Variants in SRCAP observed in about 807,000 individuals in gnomAD.
SRCAP encodes chromatin remodeling protein SRCAP.
A neutral mutation model predicts 263.1 loss-of-function variants in SRCAP; 46 were observed. The observed-to-expected ratio is 0.17, with a 90% CI of 0.14 to 0.22. The LOEUF is 0.22. Ranked by LOEUF, SRCAP falls within the 10% of genes least tolerant of loss-of-function variation. SRCAP has a pLI of 1.00. For synonymous variants in SRCAP, 1,813 were observed against 1,662.1 expected, an observed-to-expected ratio of 1.09 and a Z score of -2.21; for missense variants, 3,695 against 4,181.9, an observed-to-expected ratio of 0.88 and a Z score of 3.21.
Position 30,737,046 on chromosome 16 carries a change from T to C in SRCAP, c.7009-3T>C. ...TGACCACTTTTGGACCCTGTTGTTGTAGGAGCAAGTGGAAGCTGCCCGCAA... is the reference window on the plus strand; with the variant it reads ...TGACCACTTTTGGACCCTGTTGTTGCAGGAGCAAGTGGAAGCTGCCCGCAA... On this transcript the variant is annotated splice_polypyrimidine_tract_variant and splice_region_variant and intron_variant, in intron 33 of 33. Coordinates refer to ENST00000262518, the MANE Select transcript of SRCAP (RefSeq NM_006662.3). The C allele has an allele frequency of 6.3e-7, 1 of 1,577,188 alleles. No individual in the cohort carries two copies. Among genetic ancestry groups the C allele is most frequent in the South Asian group, 1.2e-5 (1 of 84,486 alleles).
chr16:30,699,379 G>A (rs1180987684), intron 1 of SRCAP, 137 bp downstream of exon 1: 2 of 393,656 alleles, frequency 5.1e-6, no homozygotes, highest in Non-Finnish European at 8.9e-6. Context: ...TCCGGCGCGT[G>A]GTTCTTGGCA....
At position 30,725,029 on chromosome 16, in the gene SRCAP, GGCCCCCGGCCTCGACGCCA is replaced by G; in HGVS notation, c.5612_5630del (p.Arg1871ProfsTer90). ...TCCCTCCACTGCTACCTCGTTTGGT[GGCCCCCGGCCTCGACGCCA>G]GCCCCCCCCACCACCTCGTTCCCCT... On this transcript the variant is annotated frameshift_variant, in exon 25 of 34. Coordinates refer to ENST00000262518, the MANE Select transcript of SRCAP (RefSeq NM_006662.3). LOFTEE classifies it high-confidence loss of function. 1 of 1,613,624 alleles carries G rather than the reference GGCCCCCGGCCTCGACGCCA, an allele frequency of 6.2e-7. No individual in the cohort carries two copies. The highest frequency in any genetic ancestry group is 8.5e-7 in the Non-Finnish European group (1 of 1,179,712).
chr16:30,710,033 C>A lies in SRCAP; in HGVS notation c.1039C>A (p.Pro347Thr). 6.2e-7 allele frequency: 1 copy of A among 1,614,110 alleles called. No individual in the cohort carries two copies. The highest frequency in any genetic ancestry group is 8.5e-7 in the Non-Finnish European group (1 of 1,180,020). ...CCTTCCCCCTCAGCTGTTGGAAGGG[C>A]CTTCCAGCCCCTCTCAAACCCCCTC... ...RSLPPQLLEG[P>T]SSPSQTPSSH... The change falls in exon 8 of 34, where the codon CCT becomes ACT. Residue 347 changes from proline to threonine, a missense_variant. Transcript: ENST00000262518.
intron 25 of SRCAP, 24 bp from the exon 26 acceptor site, chr16:30,728,942 T>C: frequency 6.3e-7 from 1 of 1,598,642 alleles, no homozygotes. Context: ...TGCTGATTAC[T>C]TCCTCTTTTT....
intron 25 of SRCAP, among the ~76,000 whole-genome samples, chr16:30,728,529 C>G (rs946254060): frequency 6.6e-5 from 10 of 152,198 alleles, no homozygotes; most frequent in Non-Finnish European, 1.3e-4. Flanking sequence ...TTGGCAAAAA[C>G]CTGGTCTGGA....
At chr16:30,726,602 C>T (rs936739446) in intron 25 of SRCAP, among the ~76,000 whole-genome samples, 1 of 151,918 alleles carries the variant, frequency 6.6e-6, no homozygotes, top group African/African-American at 2.4e-5. Flanking sequence ...CTCACTGCAA[C>T]CTCTGTCTCC....
In SRCAP at chr16:30,720,902, G is replaced by A. The variant is rs1357555229; in HGVS notation, c.3177G>A (p.Pro1059=). 8 of 1,614,040 alleles carry A rather than the reference G, an allele frequency of 5.0e-6. No homozygotes were observed. Among genetic ancestry groups the A allele is most frequent in the Middle Eastern group, 3.3e-4 (2 of 6,062 alleles). The change falls in exon 20 of 34, where the codon CCG becomes CCA. Residue 1059 remains proline, a synonymous_variant. Coordinates refer to ENST00000262518, the MANE Select transcript of SRCAP (RefSeq NM_006662.3). ...LMVSASPAGP[P]LIPASRPPGP... Reference sequence around the variant, plus strand: ...TTTCAGCCTCACCTGCCGGGCCCCCGCTTATTCCTGCATCTCGGCCTCCTG... The same window carrying A: ...TTTCAGCCTCACCTGCCGGGCCCCCACTTATTCCTGCATCTCGGCCTCCTG...
chr16:30,734,699 G>A, intron 31 of SRCAP, 84 bp downstream of exon 31: 4 of 1,581,922 alleles, frequency 2.5e-6, no homozygotes, highest in Non-Finnish European at 3.4e-6. Flanking sequence ...AGCTTGTCCA[G>A]GGGAAAGAGA....
chr16:30,731,999 G>A (rs1168414118), intron 27 of SRCAP, among the ~76,000 whole-genome samples: 1 of 151,704 alleles, frequency 6.6e-6, no homozygotes, highest in Non-Finnish European at 1.5e-5. Context: ...ACAAAAATTA[G>A]CCAGGCGTGG....
At position 30,721,401 on chromosome 16, in the gene SRCAP, A is replaced by G; in HGVS notation, c.3466A>G (p.Thr1156Ala). The G allele has an allele frequency of 6.2e-7, 1 of 1,613,810 alleles. No individual in the cohort carries two copies. The highest frequency in any genetic ancestry group is 8.5e-7 in the Non-Finnish European group (1 of 1,180,032). Residue 1156 changes from threonine to alanine, a missense_variant, in exon 21 of 34, where the codon ACC (threonine) becomes GCC (alanine). This residue lies in a region of SRCAP where 1,347 missense variants were observed against 1,304.4 expected (regional missense o/e 1.03). Coordinates refer to ENST00000262518, the MANE Select transcript of SRCAP (RefSeq NM_006662.3). ...TTCTACCACCACGGCAACTGCTACC[A>G]CCACAGCAGTGCCAGCTCCGACTCC... ...TTSTTTATAT[T>A]TAVPAPTPAP...
chr16:30,709,372 T>C lies in SRCAP; in HGVS notation c.634-141T>C, dbSNP rs575532307. On this transcript the variant is annotated intron_variant, in intron 6 of 33. Coordinates refer to ENST00000262518, the MANE Select transcript of SRCAP (RefSeq NM_006662.3). ...CCTTTGTGCTTCCTTTAGACCATAG[T>C]GAGCCCCTAAGGTTATTTAGTTTTA... is the stretch of plus-strand genomic sequence containing the variant. 3.1e-3 allele frequency: 2,432 copies of C among 786,026 alleles called. 8 individuals carry two copies. Among genetic ancestry groups the C allele is most frequent in the Non-Finnish European group, 4.0e-3 (1,920 of 481,862 alleles). 48.7% of individuals were successfully genotyped at this position (786,026 alleles called of 1,614,324 possible).
intron 25 of SRCAP, among the ~76,000 whole-genome samples, chr16:30,726,499 G>C (rs2151295326): frequency 6.6e-6 from 1 of 151,152 alleles, no homozygotes; most frequent in African/African-American, 2.4e-5. Flanking sequence ...GAGGATTCCA[G>C]TTTCTCCACA....
intron 25 of SRCAP, among the ~76,000 whole-genome samples, chr16:30,727,662 C>T (rs1322675639): frequency 6.6e-6 from 1 of 152,198 alleles, no homozygotes; most frequent in Non-Finnish European, 1.5e-5. Context: ...AAGCGATTCT[C>T]CTGCTCAGCC....
At position 30,720,822 on chromosome 16, in the gene SRCAP, T is replaced by C. The variant is rs202000509; in HGVS notation, c.3097T>C (p.Ser1033Pro). 3.5e-4 allele frequency: 572 copies of C among 1,614,106 alleles called. 6 individuals are homozygous for C. The Admixed American group carries it at 8.6e-3, about 24-fold the overall frequency. Residue 1033 changes from serine to proline, a missense_variant, in exon 20 of 34, where the codon TCA (serine) becomes CCA (proline). Ser to Pro is a moderately conservative substitution (Grantham distance 74). Around this residue, in one of 12 missense-constraint regions of SRCAP, gnomAD observed 1,347 missense variants for 1,304.4 expected, o/e 1.03. Coordinates refer to ENST00000262518, the MANE Select transcript of SRCAP (RefSeq NM_006662.3). ...TCGACCTCCTCCAGGTCCTGAGCTC[T>C]CAGCCCAGCCCACCCCTGGCCCAGT... is the stretch of plus-strand genomic sequence containing the variant. ...PVRPPPGPEL[S>P]AQPTPGPVPQ...
intron 18 of SRCAP, 102 bp downstream of exon 18, chr16:30,716,581 A>G: frequency 9.9e-7 from 1 of 1,006,452 alleles, no homozygotes; most frequent in Non-Finnish European, 1.5e-6. Flanking sequence ...CATCCTCATG[A>G]CTCCCCTATC....
rs587784443 is a variant in SRCAP, at chr16:30,724,727, T to C, written c.5303T>C (p.Leu1768Pro). The C allele has an allele frequency of 1.1e-4, 180 of 1,613,962 alleles. No individual in the cohort carries two copies. The highest frequency in any genetic ancestry group is 1.5e-4 in the Non-Finnish European group (177 of 1,179,996). ...GTGGGCCCAGCCCCAGCTCACACGCTGACTTTGGCTCCAGCATCGTCATCT... is the reference window on the plus strand; with the variant it reads ...GTGGGCCCAGCCCCAGCTCACACGCCGACTTTGGCTCCAGCATCGTCATCT... ...SPVGPAPAHT[L>P]TLAPASSSAS... The change falls in exon 25 of 34, where the codon CTG (leucine) becomes CCG (proline). Residue 1768 changes from leucine to proline, a missense_variant. By Grantham distance (98) the Leu-to-Pro change is moderately conservative (BLOSUM62 -3). Around this residue, in one of 12 missense-constraint regions of SRCAP, gnomAD observed 1,347 missense variants for 1,304.4 expected, o/e 1.03. Transcript: ENST00000262518.
In SRCAP at chr16:30,724,969, G is replaced by C. The variant is rs2053049590; in HGVS notation, c.5545G>C (p.Asp1849His). ...GCTGCCTGTTTCCAAGGATGAGCCT[G>C]ACACACTGACATTGCGCTCTGGTCC... ...SRLPVSKDEP[D>H]TLTLRSGPPS... Residue 1849 changes from aspartate to histidine, a missense_variant, in exon 25 of 34, where the codon GAC (aspartate) becomes CAC (histidine). Coordinates refer to ENST00000262518, the MANE Select transcript of SRCAP (RefSeq NM_006662.3). 6.2e-7 allele frequency: 1 copy of C among 1,614,030 alleles called. No homozygotes were observed. The highest frequency in any genetic ancestry group is 1.3e-5 in the African/African-American group (1 of 74,900).
rs745382896 is a variant in SRCAP at position 30,711,716 on chromosome 16, T to G, written c.1464T>G (p.Pro488=). 2.4e-5 allele frequency: 38 copies of G among 1,613,224 alleles called. No homozygotes were observed. Among genetic ancestry groups the G allele is most frequent in the Non-Finnish European group, 3.1e-5 (36 of 1,179,764 alleles). ...AGGGGCCCGTGGAAGCGGAAGAGCC[T>G]CCTCAGGAGGATAGTAGCAGTCAGT... ...EPEGPVEAEE[P]PQEDSSSQSD... The change falls in exon 11 of 34, where the codon CCT becomes CCG. Residue 488 remains proline (P), a synonymous_variant. Coordinates refer to ENST00000262518, the MANE Select transcript of SRCAP (RefSeq NM_006662.3).
chr16:30,731,988 T>C (rs1365988726), intron 27 of SRCAP, among the ~76,000 whole-genome samples: 1 of 150,360 alleles, frequency 6.7e-6, no homozygotes, highest in African/African-American at 2.5e-5. Flanking sequence ...CTACAAAAAA[T>C]ACAAAAATTA....
Sources: allele counts gnomAD v4.1 joint callset (sites outside exome capture counted in the v4.1 genomes callset), GRCh38; gene constraint gnomAD v4.1.1; regional missense constraint gnomAD v4.1.1; transcripts MANE v1.5; gene names NCBI Gene and HGNC (gene_info 2026-07-23, HGNC 2026-07-21).